FOXO3: variants seen among roughly 807,000 people sequenced by gnomAD.
The protein encoded by FOXO3 is forkhead box O3, also known as forkhead box protein O3.
Under a neutral mutation model 41.9 loss-of-function variants are expected in FOXO3, and 4 were observed. That is an observed-to-expected ratio of 0.10 (90% CI 0.05 to 0.22). The LOEUF is 0.22. Among genes scored for constraint, FOXO3 ranks in the 10% least tolerant of loss-of-function variants. FOXO3 has a pLI of 1.00. For missense variants in FOXO3, 534 were observed against 906.8 expected (o/e 0.59, Z 5.28); for synonymous variants, 318 against 389.3 (o/e 0.82, Z 2.16).
chr6:108,654,264 A>G (rs1190481324), intron 1 of FOXO3, among the ~76,000 whole-genome samples: 1 of 152,164 alleles, frequency 6.6e-6, no homozygotes, highest in African/African-American at 2.4e-5. Context: ...AAGAGCACAA[A>G]CAGCTGTGGA....
chr6:108,561,361 G>T lies in FOXO3; in HGVS notation c.153G>T (p.Thr51=). The T allele has an allele frequency of 6.4e-7, 1 of 1,564,308 alleles. No individual in the cohort carries two copies. The highest frequency in any genetic ancestry group is 1.2e-5 in the South Asian group (1 of 85,174). The change falls in exon 1 of 3, where the codon ACG becomes ACT. Residue 51 remains threonine, a synonymous_variant. Coordinates refer to ENST00000406360, the MANE Select transcript of FOXO3 (RefSeq NM_001455.4). The part of the protein sequence containing the change: ...QASPAKPSGE[T]AADSMIPEEE... ...GCCCTGCCAAGCCCTCGGGGGAGAC[G>T]GCCGCCGACTCCATGATCCCCGAGG... is the stretch of plus-strand genomic sequence containing the variant.
chr6:108,676,837 G>A (rs191398732), intron 2 of FOXO3, among the ~76,000 whole-genome samples: 7 of 152,326 alleles, frequency 4.6e-5, no homozygotes, highest in Admixed American at 2.0e-4. Context: ...AGACAGATGA[G>A]CTGCTGCTTT....
At chr6:108,633,419 T>G (rs1778029756) in intron 1 of FOXO3, among the ~76,000 whole-genome samples, 2 of 152,144 alleles carry the variant, frequency 1.3e-5, no homozygotes, top group Admixed American at 1.3e-4. Flanking sequence ...TTATGTTTAT[T>G]ATCAAGAATG....
At chr6:108,634,789 A>G (rs1435006564) in intron 1 of FOXO3, among the ~76,000 whole-genome samples, 1 of 152,216 alleles carries the variant, frequency 6.6e-6, no homozygotes, top group Non-Finnish European at 1.5e-5. Flanking sequence ...CTACTTCTGC[A>G]TATATTTGAA....
At chr6:108,605,967 G>A (rs1349250881) in intron 1 of FOXO3, among the ~76,000 whole-genome samples, 2 of 152,240 alleles carry the variant, frequency 1.3e-5, no homozygotes, top group East Asian at 1.9e-4. Flanking sequence ...TGTGATCCTG[G>A]ATAGTTAATT....
chr6:108,587,465 G>T (rs370891049), intron 1 of FOXO3, among the ~76,000 whole-genome samples: 7 of 152,286 alleles, frequency 4.6e-5, no homozygotes, highest in African/African-American at 1.4e-4. Flanking sequence ...GAAATTTTGT[G>T]TGCCCACCTG....
intron 1 of FOXO3, among the ~76,000 whole-genome samples, chr6:108,575,786 T>C (rs1415546092): frequency 2.0e-5 from 3 of 152,224 alleles, no homozygotes; most frequent in African/African-American, 7.2e-5. Context: ...TAATGTGCCA[T>C]GTGTGAATAT....
At chr6:108,655,904 A>G (rs7772662) in intron 1 of FOXO3, among the ~76,000 whole-genome samples, 22,397 of 152,094 alleles carry the variant, frequency 0.15, 1,836 homozygotes, top group African/African-American at 0.23. Flanking sequence ...AATTGTCAGT[A>G]CCCACAAGTC....
At chr6:108,587,807 T>C (rs1776625219) in intron 1 of FOXO3, among the ~76,000 whole-genome samples, 1 of 152,252 alleles carries the variant, frequency 6.6e-6, no homozygotes, top group Non-Finnish European at 1.5e-5. Context: ...CCTGGAACTT[T>C]TCTTTTGCCC....
chr6:108,616,203 C>T (rs1319091851), intron 1 of FOXO3, among the ~76,000 whole-genome samples: 3 of 130,234 alleles, frequency 2.3e-5, no homozygotes, highest in African/African-American at 5.9e-5. Context: ...CTCATTCTGT[C>T]GCCCAGGCTT....
intron 1 of FOXO3, among the ~76,000 whole-genome samples, chr6:108,661,823 G>A (rs1455207629): frequency 3.3e-5 from 5 of 152,094 alleles, no homozygotes; most frequent in Non-Finnish European, 7.4e-5. Context: ...CTTGCAAGAT[G>A]GAGTTTTGAG....
chr6:108,585,426 T>C (rs913339152), intron 1 of FOXO3, among the ~76,000 whole-genome samples: 1 of 152,218 alleles, frequency 6.6e-6, no homozygotes, highest in Non-Finnish European at 1.5e-5. Context: ...GGTTTCCCAC[T>C]TGGAGTTTAG....
chr6:108,678,577 T>A (rs1423654678), intron 2 of FOXO3, among the ~76,000 whole-genome samples: 1 of 151,940 alleles, frequency 6.6e-6, no homozygotes, highest in Non-Finnish European at 1.5e-5. Flanking sequence ...ATTCAGATGC[T>A]CTAAGAGCAC....
Position 108,581,926 on chromosome 6 carries a change from T to C in FOXO3, c.621+20097T>C, listed in dbSNP as rs184304037. 2.5e-3 allele frequency among the ~76,000 whole-genome samples: 385 copies of C among 152,294 alleles called. 2 individuals are homozygous for C. The highest frequency in any genetic ancestry group is 8.9e-3 in the African/African-American group (372 of 41,570). ...TTTAAAAAAACTTGGTTGTCTGGTA[T>C]TTCTCATCTGCATGAAAAATAAAAA... On this transcript the variant is annotated intron_variant, in intron 1 of 2. Coordinates refer to ENST00000406360, the MANE Select transcript of FOXO3 (RefSeq NM_001455.4).
chr6:108,666,440 A>G (rs1209639682), intron 2 of FOXO3, among the ~76,000 whole-genome samples: 4 of 150,656 alleles, frequency 2.7e-5, no homozygotes, highest in Admixed American at 6.6e-5. Flanking sequence ...GGTTCACGCC[A>G]TTCTCCTGCC....
intron 1 of FOXO3, among the ~76,000 whole-genome samples, chr6:108,616,182 T>TTTTTTTTTG (rs1777504686): frequency 9.4e-6 from 1 of 106,192 alleles, no homozygotes; most frequent in African/African-American, 3.3e-5. Context: ...TTTTTTTTTT[T>TTTTTTTTTG]GAGATAGAGT....
intron 1 of FOXO3, among the ~76,000 whole-genome samples, chr6:108,649,804 C>T (rs1778498794): frequency 6.6e-6 from 1 of 152,140 alleles, no homozygotes; most frequent in East Asian, 1.9e-4. Flanking sequence ...AGAGAAACAG[C>T]TAACATTCCA....
intron 1 of FOXO3, among the ~76,000 whole-genome samples, chr6:108,563,702 C>T (rs1030407150): frequency 1.3e-5 from 2 of 152,088 alleles, no homozygotes; most frequent in African/African-American, 2.4e-5. Flanking sequence ...TTCACCTTTC[C>T]TGTGATTTTT....
At chr6:108,669,414 G>A (rs915445021) in intron 2 of FOXO3, among the ~76,000 whole-genome samples, 3 of 152,138 alleles carry the variant, frequency 2.0e-5, no homozygotes, top group Non-Finnish European at 4.4e-5. Context: ...AGACTGTATC[G>A]TGTTTTTTAT....
Sources: allele counts gnomAD v4.1 joint callset (sites outside exome capture counted in the v4.1 genomes callset), GRCh38; gene constraint gnomAD v4.1.1; transcripts MANE v1.5; gene names NCBI Gene and HGNC (gene_info 2026-07-23, HGNC 2026-07-21).